PUS7: variants seen among roughly 807,000 people sequenced by gnomAD.
PUS7 encodes the protein pseudouridylate synthase 7 homolog.
A neutral mutation model predicts 79.8 loss-of-function variants in PUS7; 48 were observed. That is an observed-to-expected ratio of 0.60 (90% confidence interval 0.48 to 0.76). The LOEUF is 0.76. PUS7 is among the 30% of genes least tolerant of loss of function. PUS7 has a pLI of 0.00. For missense variants in PUS7, 729 were observed against 797.6 expected (o/e 0.91, Z 1.04); for synonymous variants, 286 against 272.2 (o/e 1.05, Z -0.50).
At chr7:105,492,486 G>A (rs1440642793) in intron 6 of PUS7, among the ~76,000 whole-genome samples, 1 of 149,546 alleles carries the variant, frequency 6.7e-6, no homozygotes, top group Non-Finnish European at 1.5e-5. Flanking sequence ...CACCACATCT[G>A]GCTGATTTTT....
At position 105,508,349 on chromosome 7, in the gene PUS7, C is replaced by A; in HGVS notation, c.164G>T (p.Ser55Ile). The change falls in exon 2 of 16, where the codon AGT becomes ATT. Residue 55 changes from serine (S) to isoleucine (I), a missense_variant. By Grantham distance (142) the Ser-to-Ile change is moderately radical. Coordinates refer to ENST00000469408, the MANE Select transcript of PUS7 (RefSeq NM_019042.5). ...GTCAGGAGGCCGAGGCACGTCTTCA[C>A]TGATGGACAGAAAGTCATTCTGTAG... ...DGLQNDFLSISEDVPRPPDTV... is the reference protein window; with the variant it reads ...DGLQNDFLSIIEDVPRPPDTV... The A allele has an allele frequency of 1.2e-6, 2 of 1,614,112 alleles. No individual in the cohort carries two copies. The highest frequency in any genetic ancestry group is 1.7e-6 in the Non-Finnish European group (2 of 1,180,028).
At chr7:105,511,032 A>AT (rs1825680561) in intron 1 of PUS7, among the ~76,000 whole-genome samples, 1 of 151,592 alleles carries the variant, frequency 6.6e-6, no homozygotes, top group African/African-American at 2.4e-5. Flanking sequence ...ACTAAATGTT[A>AT]TTTATTTATT....
rs1418106358 is a variant in PUS7 at position 105,472,165 on chromosome 7, C to T, written c.1204G>A (p.Val402Ile). 1.9e-6 allele frequency: 3 copies of T among 1,600,730 alleles called. No individual in the cohort carries two copies. In the South Asian group the frequency reaches 3.3e-5, roughly 18 times the overall value. ...CGGGGTTTCAATATTAAATCCATGACTTCTGTCCAGGAATTTTGTAGTATA... is the reference window on the plus strand; with the variant it reads ...CGGGGTTTCAATATTAAATCCATGATTTCTGTCCAGGAATTTTGTAGTATA... ...RAILQNSWTE[V>I]MDLILKPRSG... The change falls in exon 10 of 16, where the codon GTC becomes ATC. Residue 402 changes from valine to isoleucine, a missense_variant. Physicochemically the swap from Val to Ile is conservative, Grantham distance 29. Transcript: ENST00000469408.
rs7385738 is a variant in PUS7, at chr7:105,517,968, C to T, written c.-33+4084G>A. Reference sequence around the variant, plus strand: ...TTCGAAATCAGCCTGGCCAGCATGGCGAAACCCCATTTCTACTAAAAATCC... The same window carrying T: ...TTCGAAATCAGCCTGGCCAGCATGGTGAAACCCCATTTCTACTAAAAATCC... On this transcript the variant is annotated intron_variant, in intron 1 of 15. Transcript: ENST00000469408. Among the ~76,000 whole-genome samples the T allele has an allele frequency of 2.3e-3, 344 of 152,176 alleles. 4 individuals carry two copies. Among genetic ancestry groups the T allele is most frequent in the African/African-American group, 7.7e-3 (320 of 41,524 alleles).
intron 9 of PUS7, among the ~76,000 whole-genome samples, chr7:105,475,361 A>ATTT (rs1181396244): frequency 2.0e-5 from 3 of 151,268 alleles, no homozygotes; most frequent in African/African-American, 7.3e-5. Flanking sequence ...AATTTTTTAT[A>ATTT]TTGTTAGTAG....
At chr7:105,502,292 G>C in intron 5 of PUS7, 128 bp downstream of exon 5, 2 of 1,180,662 alleles carry the variant, frequency 1.7e-6, no homozygotes, top group Non-Finnish European at 1.2e-6. Flanking sequence ...CTGAAGGAGG[G>C]ACATGATCAA....
At chr7:105,465,099 A>C (rs2385702) in intron 13 of PUS7, among the ~76,000 whole-genome samples, 133,842 of 152,158 alleles carry the variant, frequency 0.88, 60,118 homozygotes, top group South Asian at 0.97. Flanking sequence ...GATTGATTAT[A>C]GGCGTGAGCC....
At chr7:105,521,000 T>C (rs551496989) in intron 1 of PUS7, among the ~76,000 whole-genome samples, 1 of 152,110 alleles carries the variant, frequency 6.6e-6, no homozygotes, top group South Asian at 2.1e-4. Context: ...AAGAGCAAAA[T>C]TCTGTCTCAA....
chr7:105,497,305 A>G (rs1372151574), intron 5 of PUS7, among the ~76,000 whole-genome samples: 1 of 152,228 alleles, frequency 6.6e-6, no homozygotes, highest in East Asian at 1.9e-4. Context: ...TGCTTCCCCA[A>G]AAAGAGATCT....
chr7:105,470,573 A>C, intron 11 of PUS7, 115 bp downstream of exon 11: 2 of 1,238,802 alleles, frequency 1.6e-6, no homozygotes, highest in Non-Finnish European at 2.2e-6. Context: ...AGAGATCACC[A>C]AAGGATCCTT....
At chr7:105,461,151 A>C (rs1198960701) in intron 14 of PUS7, among the ~76,000 whole-genome samples, 1 of 152,192 alleles carries the variant, frequency 6.6e-6, no homozygotes, top group Non-Finnish European at 1.5e-5. Context: ...AAACGAACTA[A>C]CATAAGTATA....
At chr7:105,483,598 T>G (rs1053125342) in intron 7 of PUS7, among the ~76,000 whole-genome samples, 3 of 152,020 alleles carry the variant, frequency 2.0e-5, no homozygotes, top group African/African-American at 7.2e-5. Context: ...GTTCAAGAGA[T>G]TCTTCTGCCT....
intron 15 of PUS7, among the ~76,000 whole-genome samples, chr7:105,458,383 C>G (rs1051091328): frequency 2.0e-5 from 3 of 151,734 alleles, no homozygotes; most frequent in Non-Finnish European, 2.9e-5. Context: ...GCCTCAGCCT[C>G]CTGAGTAGCT....
chr7:105,501,634 G>A (rs1026254098), intron 5 of PUS7, among the ~76,000 whole-genome samples: 9 of 152,010 alleles, frequency 5.9e-5, no homozygotes, highest in Admixed American at 5.2e-4. Flanking sequence ...CAATATAGGG[G>A]CCTGGCAAAA....
intron 4 of PUS7, among the ~76,000 whole-genome samples, chr7:105,505,018 T>TTTTTTTTTTTTTTTTTTTTTTTTGA (rs1562815532): frequency 6.7e-6 from 1 of 150,258 alleles, no homozygotes; most frequent in African/African-American, 2.4e-5. Context: ...TTTTTTTTTT[T>TTTTTTTTTTTTTTTTTTTTTTTTGA]GATATGGAGT....
At chr7:105,508,640 G>A (rs76921185) in intron 1 of PUS7, 96 bp from the exon 2 acceptor site, 30,256 of 1,468,038 alleles carry the variant, frequency 0.021, 382 homozygotes, top group Non-Finnish European at 0.024. Flanking sequence ...CGTTTTGAGG[G>A]AGGTTAAGGC....
intron 6 of PUS7, among the ~76,000 whole-genome samples, chr7:105,494,047 A>C (rs946555438): frequency 5.9e-5 from 9 of 152,182 alleles, no homozygotes; most frequent in Non-Finnish European, 1.2e-4. Flanking sequence ...GCCGATCCCC[A>C]GAGATCCAGT....
chr7:105,468,225 G>T, intron 12 of PUS7, 112 bp downstream of exon 12: 3 of 1,399,126 alleles, frequency 2.1e-6, no homozygotes, highest in African/African-American at 1.4e-5. Flanking sequence ...GTACCACCGT[G>T]CCTCACCACA....
intron 4 of PUS7, among the ~76,000 whole-genome samples, chr7:105,503,999 T>C (rs549851842): frequency 1.3e-5 from 2 of 151,836 alleles, no homozygotes; most frequent in East Asian, 3.9e-4. Flanking sequence ...CATGACCCAT[T>C]AATGGGTTGT....
Sources: allele counts gnomAD v4.1 joint callset (sites outside exome capture counted in the v4.1 genomes callset), GRCh38; gene constraint gnomAD v4.1.1; transcripts MANE v1.5; gene names NCBI Gene and HGNC (gene_info 2026-07-23, HGNC 2026-07-21).